ZNF100: variants seen among roughly 807,000 people sequenced by gnomAD.
ZNF100 encodes zinc finger protein 100.
Under a neutral mutation model 15.8 loss-of-function variants are expected in ZNF100, and 12 were observed. The ratio of observed to expected loss-of-function variants is 0.76; its 90% CI spans 0.49 to 1.23. The LOEUF (loss-of-function observed/expected upper bound fraction) is 1.23, where lower values mean the gene tolerates loss of function less well. Ranked by LOEUF, ZNF100 falls within the 50% of genes most tolerant of loss-of-function variation. The pLI is 0.00. For missense variants in ZNF100, 670 were observed against 635.6 expected, an observed-to-expected ratio of 1.05 and a Z score of -0.58; for synonymous variants, 226 against 214.8, an observed-to-expected ratio of 1.05 and a Z score of -0.45.
Position 21,727,004 on chromosome 19 carries a change from T to C in ZNF100, c.1308A>G (p.Lys436=). 6.2e-7 allele frequency: 1 copy of C among 1,613,896 alleles called. No individual in the cohort carries two copies. The highest frequency in any genetic ancestry group is 8.5e-7 in the Non-Finnish European group (1 of 1,179,904). ...EKPYKCEECG[K]AFNESSNLTT... ...TAAGGTTTGAGGACTCATTAAAAGC[T>C]TTGCCACATTCTTCACATTTGTAGG... is the stretch of plus-strand genomic sequence containing the variant. The change falls in exon 5 of 5, where the codon AAA becomes AAG. Residue 436 remains lysine, a synonymous_variant. Coordinates refer to ENST00000358296, the MANE Select transcript of ZNF100 (RefSeq NM_173531.4).
At chr19:21,766,085 GA>G (rs1259037644) in intron 1 of ZNF100, among the ~76,000 whole-genome samples, 3 of 152,130 alleles carry the variant, frequency 2.0e-5, no homozygotes, top group Non-Finnish European at 4.4e-5. Flanking sequence ...TTTACAAGCG[GA>G]TAACACATCT....
chr19:21,744,017 C>T lies in ZNF100; in HGVS notation c.322G>A (p.Val108Ile). ...KRHEMVAKPPVICSHFPQDLW... is the reference protein window; with the variant it reads ...KRHEMVAKPPIICSHFPQDLW... ...ATCTGTTGTGTTCACTCTCACCTAC[C>T]TGGGGGTTTGGCTACCATCTCATGT... Residue 108 changes from valine to isoleucine, a missense_variant and splice_region_variant, in exon 4 of 5, where the codon GTT becomes ATT. Val to Ile is a conservative substitution (Grantham distance 29). Transcript: ENST00000358296. 2 of 1,609,780 alleles carry T rather than the reference C, an allele frequency of 1.2e-6. No individual in the cohort carries two copies. Among genetic ancestry groups the T allele is most frequent in the Middle Eastern group, 1.7e-4 (1 of 6,038 alleles).
intron 4 of ZNF100, among the ~76,000 whole-genome samples, chr19:21,733,247 T>C (rs1234554026): frequency 6.6e-6 from 1 of 151,458 alleles, no homozygotes; most frequent in Non-Finnish European, 1.5e-5. Context: ...AAACAAGATA[T>C]AAATCTGCAT....
chr19:21,766,106 C>T (rs1015747403), intron 1 of ZNF100, among the ~76,000 whole-genome samples: 5 of 152,104 alleles, frequency 3.3e-5, no homozygotes, highest in African/African-American at 9.7e-5. Flanking sequence ...TTCTTAAAAG[C>T]GCCATTTAAT....
intron 4 of ZNF100, among the ~76,000 whole-genome samples, chr19:21,736,465 C>G (rs547727017): frequency 6.6e-6 from 1 of 152,278 alleles, no homozygotes; most frequent in South Asian, 2.1e-4. Flanking sequence ...GACTTTAACA[C>G]CCCACTGCCA....
At chr19:21,733,349 T>TTGAAGGTG (rs1207919034) in intron 4 of ZNF100, among the ~76,000 whole-genome samples, 1 of 152,200 alleles carries the variant, frequency 6.6e-6, no homozygotes, top group Non-Finnish European at 1.5e-5. Flanking sequence ...TTGTACTTAA[T>TTGAAGGTG]TGAAGGTGTG....
intron 2 of ZNF100, among the ~76,000 whole-genome samples, chr19:21,763,600 A>T (rs1420706165): frequency 6.6e-6 from 1 of 152,104 alleles, no homozygotes; most frequent in Non-Finnish European, 1.5e-5. Flanking sequence ...GGGGGAAAAA[A>T]ATCAGCTAAA....
chr19:21,727,971 G>A lies in ZNF100; in HGVS notation c.341C>T (p.Pro114Leu). The change falls in exon 5 of 5, where the codon CCC becomes CTC. Residue 114 changes from proline to leucine, a missense_variant. Coordinates refer to ENST00000358296, the MANE Select transcript of ZNF100 (RefSeq NM_173531.4). ...GTCCTGCTCTGCCCAAAGGTCTTGG[G>A]GAAAATGAGAACATATAACTGAAAG... ...AKPPVICSHF[P>L]QDLWAEQDIK... 1.3e-6 allele frequency: 2 copies of A among 1,521,722 alleles called. No homozygotes were observed. The highest frequency in any genetic ancestry group is 1.4e-5 in the South Asian group (1 of 72,832). The allele number at this position is 1,521,722 out of a possible 1,614,324, so 94.3% of individuals were successfully genotyped here.
rs2035723410 is a variant in ZNF100 at position 21,723,776 on chromosome 19, A to T, written c.*2907T>A. 1 of 152,186 alleles carries T rather than the reference A, an allele frequency of 6.6e-6. No individual in the cohort carries two copies. Among genetic ancestry groups the T allele is most frequent in the Non-Finnish European group, 1.5e-5 (1 of 68,038 alleles). The allele number at this position is 152,186 out of a possible 1,614,324, so 9.4% of individuals were successfully genotyped here. On this transcript the variant is annotated 3_prime_UTR_variant, in exon 5 of 5. Transcript: ENST00000358296. ...GTATGTTTGCTACATTTAAATATAA[A>T]AACATCCTCACGACTTATAAAGCTT...
At chr19:21,743,939 C>T (rs2036165946) in intron 4 of ZNF100, 78 bp downstream of exon 4, 3 of 1,392,120 alleles carry the variant, frequency 2.2e-6, no homozygotes, top group Admixed American at 2.5e-5. Flanking sequence ...GCTTCCCAAA[C>T]CACATTTTAA....
At chr19:21,759,812 C>A (rs2036451063) in intron 2 of ZNF100, among the ~76,000 whole-genome samples, 1 of 152,094 alleles carries the variant, frequency 6.6e-6, no homozygotes, top group African/African-American at 2.4e-5. Flanking sequence ...TCTTGTTTAC[C>A]ATAAAATTAA....
At position 21,726,545 on chromosome 19, in the gene ZNF100, ATTATC is replaced by A. The variant is rs71178760; in HGVS notation, c.*133_*137del. The A allele has an allele frequency of 0.27, 217,815 of 803,032 alleles. 30,456 individuals are homozygous for A. The highest frequency in any genetic ancestry group is 0.3 in the Non-Finnish European group (159,540 of 526,732). 49.7% of individuals were successfully genotyped at this position (803,032 alleles called of 1,614,324 possible). A position where few individuals can be genotyped will look rare whatever the true frequency, so the allele number is the denominator to read the frequency against. ...TTTGTAGAATTTCTCTCTAGTATGA[ATTATC>A]TTATGTCTGTTAGGAATTGAGAATT... On this transcript the variant is annotated 3_prime_UTR_variant, in exon 5 of 5. Coordinates refer to ENST00000358296, the MANE Select transcript of ZNF100 (RefSeq NM_173531.4).
intron 2 of ZNF100, chr19:21,751,347 C>A: frequency 1.2e-6 from 1 of 829,026 alleles, no homozygotes; most frequent in Non-Finnish European, 2.2e-6. Flanking sequence ...GATGAGAGAT[C>A]ACATCCCCTC....
intron 4 of ZNF100, among the ~76,000 whole-genome samples, chr19:21,729,248 C>CATT (rs2035870422): frequency 6.6e-6 from 1 of 152,146 alleles, no homozygotes; most frequent in East Asian, 1.9e-4. Context: ...AAGCATAATA[C>CATT]TATCAGCAAA....
At chr19:21,767,179 G>A (rs940621648) in intron 1 of ZNF100, among the ~76,000 whole-genome samples, 1 of 152,192 alleles carries the variant, frequency 6.6e-6, no homozygotes, top group African/African-American at 2.4e-5. Flanking sequence ...GGCGCTGCGG[G>A]TGCAGAGCTG....
In ZNF100 at chr19:21,764,966, A is replaced by G. The variant is rs144478062; in HGVS notation, c.96+728T>C. Among the ~76,000 whole-genome samples the G allele has an allele frequency of 3.2e-3, 486 of 152,290 alleles. 2 individuals are homozygous for G. Among genetic ancestry groups the G allele is most frequent in the African/African-American group, 0.011 (467 of 41,562 alleles). ...CTAAAATTGAGAGATTTTGCCTGGGAGCATTCTAAAAGCTAAGCCTTGAAA... is the reference window on the plus strand; with the variant it reads ...CTAAAATTGAGAGATTTTGCCTGGGGGCATTCTAAAAGCTAAGCCTTGAAA... On this transcript the variant is annotated intron_variant, in intron 2 of 4. Coordinates refer to ENST00000358296, the MANE Select transcript of ZNF100 (RefSeq NM_173531.4).
chr19:21,733,181 A>AT (rs1233008295), intron 4 of ZNF100, among the ~76,000 whole-genome samples: 1 of 152,178 alleles, frequency 6.6e-6, no homozygotes, highest in Non-Finnish European at 1.5e-5. Flanking sequence ...CACATATAGA[A>AT]TTTTTTTACT....
At chr19:21,729,787 ATC>A (rs1051737061) in intron 4 of ZNF100, among the ~76,000 whole-genome samples, 3 of 151,584 alleles carry the variant, frequency 2.0e-5, no homozygotes, top group African/African-American at 4.9e-5. Context: ...CATTATAAAC[ATC>A]TGTTAATAAA....
At position 21,744,016 on chromosome 19, in the gene ZNF100, C is replaced by T; in HGVS notation, c.322+1G>A. The T allele has an allele frequency of 6.2e-7, 1 of 1,600,074 alleles. No individual in the cohort carries two copies. Among genetic ancestry groups the T allele is most frequent in the Non-Finnish European group, 8.5e-7 (1 of 1,170,428 alleles). ...CATCTGTTGTGTTCACTCTCACCTACCTGGGGGTTTGGCTACCATCTCATG... is the reference window on the plus strand; with the variant it reads ...CATCTGTTGTGTTCACTCTCACCTATCTGGGGGTTTGGCTACCATCTCATG... On this transcript the variant is annotated splice_donor_variant, in intron 4 of 4. Coordinates refer to ENST00000358296, the MANE Select transcript of ZNF100 (RefSeq NM_173531.4). LOFTEE classifies it high-confidence loss of function.
Sources: gnomAD v4.1 joint callset for allele counts (sites outside exome capture counted in the v4.1 genomes callset) on GRCh38, gnomAD v4.1.1 for gene constraint, MANE v1.5 for transcripts, NCBI Gene and HGNC (gene_info 2026-07-23, HGNC 2026-07-21) for gene names.